Variants in JAK1 observed in about 807,000 individuals in gnomAD.
JAK1 encodes the protein tyrosine-protein kinase JAK1.
JAK1 carries 16 observed loss-of-function variants against 136.6 expected under a neutral mutation model. That is an observed-to-expected ratio of 0.12 (90% CI 0.08 to 0.18). JAK1 has a LOEUF of 0.18. Ranked by LOEUF, JAK1 falls within the 10% of genes least tolerant of loss-of-function variation. The probability of loss-of-function intolerance (pLI) is 1.00; values close to 1 mark genes in which losing one functional copy is unlikely to be tolerated. For missense variants in JAK1, 859 were observed against 1,450.1 expected, an observed-to-expected ratio of 0.59 and a Z score of 6.62; for synonymous variants, 492 against 519.5, an observed-to-expected ratio of 0.95 and a Z score of 0.72.
At chr1:64,902,272 A>T (rs1423705145) in intron 1 of JAK1, among the ~76,000 whole-genome samples, 2 of 152,090 alleles carry the variant, frequency 1.3e-5, no homozygotes, top group African/African-American at 4.8e-5. Context: ...TCAGCACGAT[A>T]CATTTCTAGA....
intron 1 of JAK1, among the ~76,000 whole-genome samples, chr1:64,932,826 C>T (rs1264742590): frequency 1.3e-5 from 2 of 152,174 alleles, no homozygotes; most frequent in Non-Finnish European, 2.9e-5. Flanking sequence ...CCCACAATCT[C>T]TGTTCCCCAC....
At chr1:64,848,800 C>T (rs2101020918) in intron 12 of JAK1, among the ~76,000 whole-genome samples, 1 of 152,268 alleles carries the variant, frequency 6.6e-6, no homozygotes, top group African/African-American at 2.4e-5. Flanking sequence ...GTCACTGATA[C>T]CTAGGGAATC....
At chr1:65,056,451 A>G (rs539410791) in intron 1 of JAK1, among the ~76,000 whole-genome samples, 2 of 152,320 alleles carry the variant, frequency 1.3e-5, no homozygotes, top group African/African-American at 4.8e-5. Flanking sequence ...GTGACCATCA[A>G]TGTCTGAGGA....
chr1:64,917,239 C>T (rs1475437912), intron 1 of JAK1, among the ~76,000 whole-genome samples: 2 of 152,098 alleles, frequency 1.3e-5, no homozygotes, highest in Non-Finnish European at 2.9e-5. Context: ...GCACCCAATG[C>T]CTGCAAAATT....
chr1:64,919,088 A>C (rs1023035564), intron 1 of JAK1, among the ~76,000 whole-genome samples: 9 of 152,120 alleles, frequency 5.9e-5, no homozygotes, highest in African/African-American at 1.9e-4. Context: ...ACATAGGTAT[A>C]TATGTGCCAT....
At chr1:64,943,953 T>G (rs1645934853) in intron 1 of JAK1, among the ~76,000 whole-genome samples, 1 of 151,250 alleles carries the variant, frequency 6.6e-6, no homozygotes, top group East Asian at 1.9e-4. Flanking sequence ...CCAGGCGCAG[T>G]GGCTCACGCC....
intron 4 of JAK1, 84 bp from the exon 5 acceptor site, chr1:64,873,607 GT>G (rs1443489660): frequency 7.9e-6 from 12 of 1,526,136 alleles, no homozygotes; most frequent in Non-Finnish European, 1.1e-5. Context: ...ACAGTGGTCA[GT>G]GCCGGAGGCT....
chr1:64,907,870 G>A (rs554606551), intron 1 of JAK1, among the ~76,000 whole-genome samples: 36 of 152,194 alleles, frequency 2.4e-4, no homozygotes, highest in African/African-American at 7.9e-4. Flanking sequence ...AAAAAGCAAA[G>A]TAGACCCAGC....
chr1:64,884,904 C>T (rs751374946), intron 2 of JAK1, among the ~76,000 whole-genome samples: 2 of 152,104 alleles, frequency 1.3e-5, no homozygotes, highest in Non-Finnish European at 1.5e-5. Context: ...TCTCTATATC[C>T]GTAAGAAGCA....
At position 64,857,768 on chromosome 1, in the gene JAK1, G is replaced by A. The variant is rs2101060667; in HGVS notation, c.1346C>T (p.Ala449Val). 1 of 1,614,166 alleles carries A rather than the reference G, an allele frequency of 6.2e-7. No homozygotes were observed. The highest frequency in any genetic ancestry group is 8.5e-7 in the Non-Finnish European group (1 of 1,180,036). ...TCCTTCTTGCCGCAATTTATTGATG[G>A]CGTATTCTGTACTAGAGGGAGAAGT... ...GCHGPICTEY[A>V]INKLRQEGSE... The change falls in exon 10 of 25, where the codon GCC becomes GTC. Residue 449 changes from alanine to valine, a missense_variant. Physicochemically the swap from Ala to Val is moderately conservative, Grantham distance 64. Transcript: ENST00000342505.
intron 4 of JAK1, among the ~76,000 whole-genome samples, chr1:64,875,378 G>A (rs1233171209): frequency 2.0e-5 from 3 of 152,204 alleles, no homozygotes; most frequent in African/African-American, 4.8e-5. Context: ...AAACGGAAGC[G>A]GCAGAGAGAA....
intron 19 of JAK1, among the ~76,000 whole-genome samples, chr1:64,840,374 G>T (rs1654816432): frequency 6.6e-6 from 1 of 152,302 alleles, no homozygotes; most frequent in African/African-American, 2.4e-5. Context: ...AGATCCTGGA[G>T]ATGTATCAAG....
intron 20 of JAK1, among the ~76,000 whole-genome samples, chr1:64,839,054 G>T (rs1452065179): frequency 6.7e-6 from 1 of 149,052 alleles, no homozygotes; most frequent in East Asian, 2.0e-4. Context: ...GCTGAGGCAG[G>T]AGAATGGCGT....
At chr1:65,031,459 G>A (rs1179601066) in intron 2 of JAK1, among the ~76,000 whole-genome samples, 1 of 152,146 alleles carries the variant, frequency 6.6e-6, no homozygotes, top group African/African-American at 2.4e-5. Context: ...TCAATGAAAA[G>A]CTGAGGAACT....
chr1:65,067,191 G>C (rs886826877), intron 1 of JAK1, among the ~76,000 whole-genome samples: 4 of 150,604 alleles, frequency 2.7e-5, no homozygotes, highest in Non-Finnish European at 5.9e-5. Flanking sequence ...CCTACCCCGA[G>C]GTGGCGAACT....
At chr1:64,957,091 G>C (rs561860909) in intron 1 of JAK1, among the ~76,000 whole-genome samples, 1 of 152,338 alleles carries the variant, frequency 6.6e-6, no homozygotes, top group Admixed American at 6.5e-5. Context: ...AGTCTCATGA[G>C]TGTAGAGGTG....
intron 1 of JAK1, among the ~76,000 whole-genome samples, chr1:64,925,304 A>AATTCCTCT (rs1645565146): frequency 6.6e-6 from 1 of 151,970 alleles, no homozygotes; most frequent in Admixed American, 6.6e-5. Context: ...GCTACTTAGG[A>AATTCCTCT]GTCTGAGGCA....
intron 1 of JAK1, among the ~76,000 whole-genome samples, chr1:65,052,849 G>C (rs1287954661): frequency 8.9e-6 from 1 of 111,812 alleles, no homozygotes; most frequent in Non-Finnish European, 1.7e-5. Flanking sequence ...GTGTCAGAGC[G>C]AGACTCCATC....
chr1:64,847,001 T>C, intron 13 of JAK1: 1 of 527,362 alleles, frequency 1.9e-6, no homozygotes, highest in Non-Finnish European at 3.4e-6. Context: ...GGCTAAGAAT[T>C]TTCCCACTGG....
Sources: allele counts gnomAD v4.1 joint callset (sites outside exome capture counted in the v4.1 genomes callset), GRCh38; gene constraint gnomAD v4.1.1; transcripts MANE v1.5; gene names NCBI Gene and HGNC (gene_info 2026-07-23, HGNC 2026-07-21).